The following PCDHGA5 variants were observed in gnomAD, a reference collection of about 807,000 sequenced individuals.
The protein encoded by PCDHGA5 is protocadherin gamma-A5.
In PCDHGA5, 36 loss-of-function variants were observed where a neutral mutation model predicts 56.7. That is an observed-to-expected ratio of 0.64 (90% CI 0.49 to 0.84). The LOEUF (loss-of-function observed/expected upper bound fraction) is 0.84. Ranked by LOEUF, PCDHGA5 falls within the 40% of genes least tolerant of loss-of-function variation. The pLI, the probability that PCDHGA5 is intolerant of heterozygous loss-of-function variation, is 0.00. For missense variants in PCDHGA5, 1,305 were observed against 1,201.5 expected (o/e 1.09, Z -1.27); for synonymous variants, 563 against 520.2 (o/e 1.08, Z -1.12).
At position 141,365,518 on chromosome 5, in the gene PCDHGA5, G is replaced by T. The variant is rs1763970946; in HGVS notation, c.1188G>T (p.Lys396Asn). 5 of 1,613,870 alleles carry T rather than the reference G, an allele frequency of 3.1e-6. No individual in the cohort carries two copies. The Middle Eastern group carries it at 4.9e-4, about 160-fold the overall frequency. Residue 396 changes from lysine to asparagine, a missense_variant, in exon 1 of 4, where the codon AAG becomes AAT. Lys to Asn is a moderately conservative substitution (Grantham distance 94, BLOSUM62 0). Transcript: ENST00000518069. The stretch of plus-strand genomic sequence containing the variant: ...GGAATTTGCCTTTTAAATTGGAGAA[G>T]TCAGTTGATAATTACTATCACCTAT... The part of the protein sequence containing the change: ...IPRNLPFKLE[K>N]SVDNYYHLLT...
At chr5:141,430,774 A>G (rs1269572813) in intron 1 of PCDHGA5, 11 of 1,508,872 alleles carry the variant, frequency 7.3e-6, no homozygotes, top group Non-Finnish European at 8.8e-7. Context: ...TTCCTGCGCG[A>G]CTGCACCGGG....
chr5:141,376,590 G>A (rs569935512), intron 1 of PCDHGA5: 9 of 1,570,160 alleles, frequency 5.7e-6, no homozygotes, highest in South Asian at 4.7e-5. Context: ...CAGCTAGATC[G>A]GCTGTTATAG....
Position 141,476,416 on chromosome 5 carries a change from A to G in PCDHGA5, c.2422-18391A>G. On this transcript the variant is annotated intron_variant, in intron 1 of 3. Coordinates refer to ENST00000518069, the MANE Select transcript of PCDHGA5 (RefSeq NM_018918.3). The surrounding 1 kb of genome is among the most constrained non-coding windows in gnomAD (Gnocchi z 7.6). ...TGGATCGAGAGGAGCTGTGTGGGAC[A>G]CTGCCCTCTTGCACTGTAACTCTGG... 1 of 1,614,056 alleles carries G rather than the reference A, an allele frequency of 6.2e-7. No individual in the cohort carries two copies. The highest frequency in any genetic ancestry group is 8.5e-7 in the Non-Finnish European group (1 of 1,179,994).
rs1303066281 is a variant in PCDHGA5, at chr5:141,511,199, G to A, written c.*26G>A. The A allele has an allele frequency of 1.2e-6, 2 of 1,612,750 alleles. No homozygotes were observed. The highest frequency in any genetic ancestry group is 1.3e-5 in the African/African-American group (1 of 74,896). On this transcript the variant is annotated 3_prime_UTR_variant, in exon 4 of 4. Transcript: ENST00000518069. The stretch of plus-strand genomic sequence containing the variant: ...CATGGAGGCCAGGCCAAGAGCCACA[G>A]GGCGGCCTCTCCCCAACCAGCCCAG...
chr5:141,400,299 A>C, intron 1 of PCDHGA5: 1 of 1,613,834 alleles, frequency 6.2e-7, no homozygotes, highest in South Asian at 1.1e-5. Context: ...GCTGCTTCCA[A>C]CCTGGTCTCT....
chr5:141,372,473 A>G lies in PCDHGA5; in HGVS notation c.2421+5722A>G, dbSNP rs780091616. 54 of 1,613,996 alleles carry G rather than the reference A, an allele frequency of 3.3e-5. 1 individual carries two copies. The South Asian group carries it at 3.6e-4, about 11-fold the overall frequency. On this transcript the variant is annotated intron_variant, in intron 1 of 3. Transcript: ENST00000518069. ...AGGCGGAGCTACAGTTTCACCTAGT[A>G]GTGGCGTTGGCCTTGATCTCAGTGC... is the stretch of plus-strand genomic sequence containing the variant.
At chr5:141,393,227 A>G (rs1389818557) in intron 1 of PCDHGA5, 1 of 1,613,740 alleles carries the variant, frequency 6.2e-7, no homozygotes, top group Non-Finnish European at 8.5e-7. Context: ...TCGAAGATCT[A>G]GAAGTAAAAA....
rs760253419 is a variant in PCDHGA5, at chr5:141,366,222, C to T, written c.1892C>T (p.Ala631Val). Reference protein sequence around the residue: ...LHTGEVRTARALLDRDALKQS... With the variant: ...LHTGEVRTARVLLDRDALKQS... ...ACGGGCGAGGTGCGCACAGCGCGAG[C>T]CCTGCTGGACAGAGACGCGCTCAAG... is the stretch of plus-strand genomic sequence containing the variant. The change falls in exon 1 of 4, where the codon GCC becomes GTC. Residue 631 changes from alanine to valine, a missense_variant. Transcript: ENST00000518069. The T allele has an allele frequency of 2.5e-6, 4 of 1,613,804 alleles. No individual in the cohort carries two copies. The highest frequency in any genetic ancestry group is 3.4e-6 in the Non-Finnish European group (4 of 1,180,048).
intron 3 of PCDHGA5, among the ~76,000 whole-genome samples, chr5:141,509,781 T>TCATC (rs1198131164): frequency 6.6e-6 from 1 of 152,116 alleles, no homozygotes; most frequent in Non-Finnish European, 1.5e-5. Flanking sequence ...GTCCCCGAGA[T>TCATC]CATCATCTCC....
chr5:141,400,164 C>G (rs1307583379), intron 1 of PCDHGA5: 1 of 1,614,086 alleles, frequency 6.2e-7, no homozygotes, highest in Admixed American at 1.7e-5. Context: ...TACCCTCTGA[C>G]CCCCAGGCTG....
chr5:141,469,565 C>T (rs1410607165), intron 1 of PCDHGA5, among the ~76,000 whole-genome samples: 1 of 152,082 alleles, frequency 6.6e-6, no homozygotes, highest in East Asian at 1.9e-4. Context: ...CAGAGTGAGA[C>T]TCTGTCTCTA....
chr5:141,377,014 G>T (rs1457623527), intron 1 of PCDHGA5: 1 of 155,140 alleles, frequency 6.4e-6, no homozygotes, highest in African/African-American at 2.4e-5. Flanking sequence ...TGGTTGACAG[G>T]AAAATTCAAG....
At chr5:141,384,030 A>G (rs1246971074) in intron 1 of PCDHGA5, 2 of 1,613,466 alleles carry the variant, frequency 1.2e-6, no homozygotes, top group Non-Finnish European at 1.7e-6. Flanking sequence ...GAGATTCTGG[A>G]AAGAATGGTG....
At position 141,395,235 on chromosome 5, in the gene PCDHGA5, C is replaced by T. The variant is rs775441341; in HGVS notation, c.2421+28484C>T. 7 of 1,601,042 alleles carry T rather than the reference C, an allele frequency of 4.4e-6. No homozygotes were observed. In the South Asian group the frequency reaches 7.9e-5, roughly 18 times the overall value. ...ATATAAGAATGAAGCTGATCATGGT[C>T]AGGTGAGTTTAGTTCTTTGCTTGCT... On this transcript the variant is annotated intron_variant, in intron 1 of 3. Transcript: ENST00000518069.
At position 141,511,963 on chromosome 5, in the gene PCDHGA5, AGT is replaced by A. The variant is rs1204123000; in HGVS notation, c.*796_*797del. On this transcript the variant is annotated 3_prime_UTR_variant, in exon 4 of 4. Transcript: ENST00000518069. ...ATGGGGTGGTAAGATAAGGAAGGGA[AGT>A]GTGTGGATGTGGATGGTGGGGGCAT... 1 of 153,636 alleles carries A rather than the reference AGT, an allele frequency of 6.5e-6. No individual in the cohort carries two copies. 9.5% of individuals were successfully genotyped at this position (153,636 alleles called of 1,614,324 possible).
intron 1 of PCDHGA5, chr5:141,400,486 CT>C: frequency 1.2e-6 from 2 of 1,614,034 alleles, no homozygotes; most frequent in African/African-American, 1.3e-5. Context: ...CTTATTTCCA[CT>C]TTGTAATTCC....
chr5:141,459,300 A>T (rs954766370), intron 1 of PCDHGA5, among the ~76,000 whole-genome samples: 1 of 152,202 alleles, frequency 6.6e-6, no homozygotes, highest in Non-Finnish European at 1.5e-5. Flanking sequence ...ATCCTATAAC[A>T]TATACTATTT....
rs55729045 is a variant in PCDHGA5 at position 141,395,542 on chromosome 5, TTGTGTGTGTGTGTGTG to T, written c.2421+28825_2421+28840del. 64 of 172,628 alleles carry T rather than the reference TTGTGTGTGTGTGTGTG, an allele frequency of 3.7e-4. 1 individual carries two copies. Among genetic ancestry groups the T allele is most frequent in the South Asian group, 2.0e-3 (23 of 11,528 alleles). The allele number at this position is 172,628 out of a possible 1,614,324, so 10.7% of individuals were successfully genotyped here. A position where few individuals can be genotyped will look rare whatever the true frequency, so the allele number is the denominator to read the frequency against. ...TCCATACTGGTAATTTTGCTATTGT[TTGTGTGTGTGTGTGTG>T]TGTGTGTGTGTGTGTGTGTGTGTGT... On this transcript the variant is annotated intron_variant, in intron 1 of 3. Coordinates refer to ENST00000518069, the MANE Select transcript of PCDHGA5 (RefSeq NM_018918.3).
At chr5:141,460,341 C>T (rs557699438) in intron 1 of PCDHGA5, among the ~76,000 whole-genome samples, 39 of 152,110 alleles carry the variant, frequency 2.6e-4, no homozygotes, top group Admixed American at 2.4e-3. Flanking sequence ...ATGATTTTCT[C>T]CTATATTTTC....
Sources: allele counts gnomAD v4.1 joint callset (sites outside exome capture counted in the v4.1 genomes callset), GRCh38; gene constraint gnomAD v4.1.1; non-coding constraint Gnocchi (gnomAD v3.1); transcripts MANE v1.5; gene names NCBI Gene and HGNC (gene_info 2026-07-23, HGNC 2026-07-21).